LAMA4: variants seen among roughly 807,000 people sequenced by gnomAD.
The protein encoded by LAMA4 is laminin subunit alpha 4, also known as laminin subunit alpha-4.
In LAMA4, 127 loss-of-function variants were observed where a neutral mutation model predicts 207.1. The ratio of observed to expected loss-of-function variants is 0.61; its 90% confidence interval spans 0.53 to 0.71. The LOEUF (loss-of-function observed/expected upper bound fraction) is 0.71, where lower values mean the gene tolerates loss of function less well. Among genes scored for constraint, LAMA4 ranks in the 30% least tolerant of loss-of-function variants. The pLI is 0.00. For missense variants in LAMA4, 2,093 were observed against 2,246.5 expected (o/e 0.93, Z 1.38); for synonymous variants, 761 against 816.0 (o/e 0.93, Z 1.15).
chr6:112,191,596 T>A (rs1554349023), intron 6 of LAMA4, 40 bp downstream of exon 6: 1 of 1,455,256 alleles, frequency 6.9e-7, no homozygotes, highest in Non-Finnish European at 9.6e-7. Context: ...CAGAGGGTCA[T>A]GCTGGCCAGG....
intron 16 of LAMA4, among the ~76,000 whole-genome samples, chr6:112,152,650 C>T (rs989923590): frequency 8.6e-5 from 13 of 151,994 alleles, no homozygotes; most frequent in Admixed American, 2.0e-4. Flanking sequence ...CACTCTCTGA[C>T]GGCACCCCTT....
intron 2 of LAMA4, chr6:112,253,621 C>T: frequency 1.1e-6 from 1 of 946,518 alleles, no homozygotes. Flanking sequence ...CGTGGCTTGA[C>T]AAAATGACTA....
chr6:112,220,698 A>G (rs1554360331), intron 2 of LAMA4, among the ~76,000 whole-genome samples: 3 of 152,194 alleles, frequency 2.0e-5, no homozygotes, highest in African/African-American at 7.2e-5. Context: ...GAGCCCCTTG[A>G]GAGCACTAGA....
intron 2 of LAMA4, among the ~76,000 whole-genome samples, chr6:112,225,116 C>T (rs1412094772): frequency 2.6e-5 from 4 of 152,008 alleles, no homozygotes; most frequent in African/African-American, 9.6e-5. Flanking sequence ...TTAATCCCTC[C>T]CCCAATTTTA....
rs797028097 is a variant in LAMA4, at chr6:112,201,626, G to C, written c.485C>G (p.Ala162Gly). ...AVRCICNENY[A>G]GPNCERCAPG... ...GGCTTACCTTTCACAGTTAGGTCCAGCATAATTTTCGTTACAAATGCACCG... is the reference window on the plus strand; with the variant it reads ...GGCTTACCTTTCACAGTTAGGTCCACCATAATTTTCGTTACAAATGCACCG... The change falls in exon 5 of 39, where the codon GCT (alanine) becomes GGT (glycine). Residue 162 changes from alanine to glycine, a missense_variant. By Grantham distance (60) the Ala-to-Gly change is moderately conservative. This residue lies in a region of LAMA4 where 1,704 missense variants were observed against 1,788.4 expected (regional missense o/e 0.95). Coordinates refer to ENST00000230538, the MANE Select transcript of LAMA4 (RefSeq NM_001105206.3). The C allele has an allele frequency of 1.9e-6, 3 of 1,613,664 alleles. No individual in the cohort carries two copies. Among genetic ancestry groups the C allele is most frequent in the Non-Finnish European group, 2.5e-6 (3 of 1,179,612 alleles).
chr6:112,159,821 A>C (rs1473621927), intron 13 of LAMA4, among the ~76,000 whole-genome samples: 1 of 152,036 alleles, frequency 6.6e-6, no homozygotes, highest in East Asian at 1.9e-4. Flanking sequence ...GGAGTGGTTG[A>C]TTTTGTGGGT....
Position 112,220,618 on chromosome 6 carries a change from ATTGT to A in LAMA4, c.196-4153_196-4150del, listed in dbSNP as rs59918916. 8.6e-3 allele frequency among the ~76,000 whole-genome samples: 1,305 copies of A among 152,296 alleles called. 24 individuals are homozygous for A. The highest frequency in any genetic ancestry group is 0.029 in the African/African-American group (1,213 of 41,584). On this transcript the variant is annotated intron_variant, in intron 2 of 38. Coordinates refer to ENST00000230538, the MANE Select transcript of LAMA4 (RefSeq NM_001105206.3). ...TAAGATATAGTTATAATGAATTAAG[ATTGT>A]TTAACAAAGAGGACCAAGTGAATGA...
At chr6:112,183,880 G>A (rs1263318908) in intron 9 of LAMA4, among the ~76,000 whole-genome samples, 3 of 150,696 alleles carry the variant, frequency 2.0e-5, no homozygotes, top group Non-Finnish European at 4.4e-5. Context: ...GAACCCGGGA[G>A]GCGGAGGCTG....
At chr6:112,172,517 C>A (rs1369760164) in intron 12 of LAMA4, 94 bp downstream of exon 12, 1 of 1,149,514 alleles carries the variant, frequency 8.7e-7, no homozygotes, top group Non-Finnish European at 1.3e-6. Flanking sequence ...TTAACTATAC[C>A]AATATTTTAA....
intron 16 of LAMA4, among the ~76,000 whole-genome samples, chr6:112,153,256 A>G (rs1432612862): frequency 1.3e-5 from 2 of 151,972 alleles, no homozygotes. Context: ...GTAATTCAGT[A>G]GATGACTATG....
At chr6:112,182,431 G>A (rs1361981718) in intron 9 of LAMA4, among the ~76,000 whole-genome samples, 1 of 152,186 alleles carries the variant, frequency 6.6e-6, no homozygotes, top group African/African-American at 2.4e-5. Flanking sequence ...GAACTTTGTG[G>A]AATTTTTCCA....
At chr6:112,154,650 C>G (rs781717323) in intron 16 of LAMA4, 1 of 567,304 alleles carries the variant, frequency 1.8e-6, no homozygotes, top group Non-Finnish European at 3.1e-6. Context: ...TAGTTTACTA[C>G]ATAGCATTTT....
chr6:112,177,205 C>T (rs1191705054), intron 10 of LAMA4, among the ~76,000 whole-genome samples: 2 of 152,264 alleles, frequency 1.3e-5, no homozygotes, highest in Non-Finnish European at 2.9e-5. Context: ...ATGTCATTTG[C>T]TTTTATTGTT....
chr6:112,153,462 G>A (rs977275892), intron 16 of LAMA4, among the ~76,000 whole-genome samples: 7 of 152,126 alleles, frequency 4.6e-5, no homozygotes, highest in Non-Finnish European at 7.4e-5. Context: ...GGCTAATGCA[G>A]AGAGATTTAT....
In LAMA4 at chr6:112,116,097, G is replaced by T. The variant is rs992109077; in HGVS notation, c.4982-104C>A. 2.5e-6 allele frequency: 3 copies of T among 1,205,148 alleles called. No homozygotes were observed. The South Asian group carries it at 3.9e-5, about 16-fold the overall frequency. The allele number at this position is 1,205,148 out of a possible 1,614,324, so 74.7% of individuals were successfully genotyped here. A position where few individuals can be genotyped will look rare whatever the true frequency, so the allele number is the denominator to read the frequency against. ...TATTTTTATCTGTTTTTGAAAGTTT[G>T]ATGCATTTTTTAACAGATAAGTAGA... is the stretch of plus-strand genomic sequence containing the variant. On this transcript the variant is annotated intron_variant, in intron 35 of 38. Coordinates refer to ENST00000230538, the MANE Select transcript of LAMA4 (RefSeq NM_001105206.3).
intron 2 of LAMA4, among the ~76,000 whole-genome samples, chr6:112,224,813 C>CAAAAAAAAAAA (rs782785024): frequency 1.5e-5 from 1 of 68,002 alleles, no homozygotes; most frequent in Non-Finnish European, 2.8e-5. Context: ...AAGACTGTCT[C>CAAAAAAAAAAA]AAAAAAAAAA....
Position 112,117,712 on chromosome 6 carries a change from T to A in LAMA4, c.4981+27A>T. 1 of 1,605,168 alleles carries A rather than the reference T, an allele frequency of 6.2e-7. No individual in the cohort carries two copies. Among genetic ancestry groups the A allele is most frequent in the Non-Finnish European group, 8.5e-7 (1 of 1,172,742 alleles). ...TCTCCAGGAAGAAGCATTTCATGAC[T>A]CATATTTTTAACATGACTAATGTTA... On this transcript the variant is annotated intron_variant, in intron 35 of 38. Coordinates refer to ENST00000230538, the MANE Select transcript of LAMA4 (RefSeq NM_001105206.3). The surrounding 1 kb of genome is among the most constrained non-coding windows in gnomAD (Gnocchi z 4.5).
At chr6:112,206,598 C>A (rs1784070820) in intron 4 of LAMA4, among the ~76,000 whole-genome samples, 1 of 152,100 alleles carries the variant, frequency 6.6e-6, no homozygotes, top group Non-Finnish European at 1.5e-5. Flanking sequence ...TGTTCTAATT[C>A]TGACTGAAAA....
intron 4 of LAMA4, among the ~76,000 whole-genome samples, chr6:112,205,293 C>T (rs59690635): frequency 0.055 from 8,374 of 152,244 alleles, 732 homozygotes; most frequent in African/African-American, 0.19. Context: ...CCCAAATCCT[C>T]CACACATATT....
Sources: gnomAD v4.1 joint callset for allele counts (sites outside exome capture counted in the v4.1 genomes callset) on GRCh38, gnomAD v4.1.1 for gene constraint, gnomAD v4.1.1 regional missense constraint, Gnocchi (gnomAD v3.1) non-coding constraint, MANE v1.5 for transcripts, NCBI Gene and HGNC (gene_info 2026-07-23, HGNC 2026-07-21) for gene names.